Variants in LNP1 observed in about 807,000 individuals in gnomAD.
LNP1 encodes the protein leukemia NUP98 fusion partner 1.
A neutral mutation model predicts 14.5 loss-of-function variants in LNP1; 12 were observed. That is an observed-to-expected ratio of 0.83 (90% confidence interval 0.53 to 1.34). LNP1 has a LOEUF of 1.34. LNP1 is among the 40% of genes most tolerant of loss of function. The pLI, the probability that LNP1 is intolerant of heterozygous loss-of-function variation, is 0.00. For missense variants in LNP1, 198 were observed against 210.9 expected, an observed-to-expected ratio of 0.94 and a Z score of 0.38; for synonymous variants, 75 against 71.4, an observed-to-expected ratio of 1.05 and a Z score of -0.26.
intron 1 of LNP1, among the ~76,000 whole-genome samples, chr3:100,413,330 G>C (rs193188720): frequency 6.6e-5 from 10 of 152,322 alleles, no homozygotes; most frequent in African/African-American, 2.2e-4. Flanking sequence ...CATCAGTTGA[G>C]TGGGTGGTAC....
chr3:100,450,279 A>T (rs986002025), intron 2 of LNP1, among the ~76,000 whole-genome samples: 1 of 149,876 alleles, frequency 6.7e-6, no homozygotes, highest in Admixed American at 6.6e-5. Flanking sequence ...CACAACTTAT[A>T]TGGTCACTGA....
intron 1 of LNP1, among the ~76,000 whole-genome samples, chr3:100,412,442 G>A (rs774393955): frequency 2.0e-5 from 3 of 152,054 alleles, no homozygotes; most frequent in Non-Finnish European, 4.4e-5. Flanking sequence ...TAGCATAGAT[G>A]GAATAGGTAG....
At chr3:100,420,105 T>A (rs1373153971) in intron 1 of LNP1, among the ~76,000 whole-genome samples, 1 of 152,232 alleles carries the variant, frequency 6.6e-6, no homozygotes, top group Non-Finnish European at 1.5e-5. Flanking sequence ...CTGATTTTAG[T>A]TTGTCTTTAC....
intron 2 of LNP1, among the ~76,000 whole-genome samples, chr3:100,444,967 T>G (rs1576235892): frequency 6.6e-6 from 1 of 152,090 alleles, no homozygotes; most frequent in African/African-American, 2.4e-5. Context: ...CCTTTGACAT[T>G]GATGATTAAT....
chr3:100,431,309 C>A (rs551596972), intron 2 of LNP1, among the ~76,000 whole-genome samples: 1 of 152,274 alleles, frequency 6.6e-6, no homozygotes, highest in Non-Finnish European at 1.5e-5. Context: ...TTTTAGGTTA[C>A]AATGGTGTTT....
chr3:100,436,602 G>A (rs1417780051), intron 2 of LNP1, among the ~76,000 whole-genome samples: 4 of 152,026 alleles, frequency 2.6e-5, no homozygotes, highest in African/African-American at 9.7e-5. Flanking sequence ...AAATTCTAGA[G>A]TTTTTCATTT....
intron 3 of LNP1, among the ~76,000 whole-genome samples, chr3:100,455,101 C>G (rs1184956173): frequency 6.6e-6 from 1 of 152,320 alleles, no homozygotes; most frequent in South Asian, 2.1e-4. Context: ...ACTCTGTTTA[C>G]AGTTATCATT....
At chr3:100,413,982 C>A (rs2148899775) in intron 1 of LNP1, among the ~76,000 whole-genome samples, 1 of 151,594 alleles carries the variant, frequency 6.6e-6, no homozygotes, top group South Asian at 2.1e-4. Flanking sequence ...TTAACTTCAA[C>A]AATGAAGAAA....
chr3:100,428,122 T>A (rs1559843049), intron 1 of LNP1, among the ~76,000 whole-genome samples: 1 of 152,208 alleles, frequency 6.6e-6, no homozygotes, highest in Non-Finnish European at 1.5e-5. Context: ...GCTTCAAACT[T>A]GATTTTGCCG....
intron 1 of LNP1, among the ~76,000 whole-genome samples, chr3:100,423,477 G>C (rs77021398): frequency 0.16 from 23,914 of 151,890 alleles, 3,501 homozygotes; most frequent in East Asian, 0.49. Flanking sequence ...GGGCAACGTA[G>C]TGAGACCTCA....
intron 1 of LNP1, among the ~76,000 whole-genome samples, chr3:100,416,699 A>ACC (rs1707087746): frequency 1.6e-5 from 2 of 126,772 alleles, no homozygotes; most frequent in African/African-American, 3.0e-5. Flanking sequence ...TAAATATATA[A>ACC]ATACATTTTT....
chr3:100,408,271 T>G (rs1283562990), intron 1 of LNP1, among the ~76,000 whole-genome samples: 1 of 152,138 alleles, frequency 6.6e-6, no homozygotes, highest in Admixed American at 6.5e-5. Context: ...TCTAGGCAGG[T>G]CATTTGGTGT....
chr3:100,440,448 G>T (rs1559845462), intron 2 of LNP1, among the ~76,000 whole-genome samples: 1 of 152,094 alleles, frequency 6.6e-6, no homozygotes, highest in South Asian at 2.1e-4. Context: ...TTCTAAGAAG[G>T]CTGCACACAT....
Position 100,455,956 on chromosome 3 carries a change from G to A in LNP1, c.*30G>A. On this transcript the variant is annotated 3_prime_UTR_variant, in exon 4 of 4. Coordinates refer to ENST00000383693, the MANE Select transcript of LNP1 (RefSeq NM_001085451.2). The stretch of plus-strand genomic sequence containing the variant: ...CTGCTTCTGCCTCATGACATCAGAT[G>A]CTACTGTTTTGGTTTTTTTCTTTGA... 6.3e-7 allele frequency: 1 copy of A among 1,579,728 alleles called. No individual in the cohort carries two copies. Among genetic ancestry groups the A allele is most frequent in the Non-Finnish European group, 8.6e-7 (1 of 1,166,530 alleles).
intron 1 of LNP1, among the ~76,000 whole-genome samples, chr3:100,408,175 T>C (rs1706989404): frequency 6.6e-6 from 1 of 152,248 alleles, no homozygotes; most frequent in South Asian, 2.1e-4. Context: ...TCAGTGTGTG[T>C]GCATTCAAGA....
intron 2 of LNP1, among the ~76,000 whole-genome samples, chr3:100,438,291 C>G (rs1380581784): frequency 6.6e-6 from 1 of 152,146 alleles, no homozygotes; most frequent in African/African-American, 2.4e-5. Context: ...TTTATTGTCA[C>G]TTAAAGAAAA....
chr3:100,409,740 A>G (rs1235472864), intron 1 of LNP1, among the ~76,000 whole-genome samples: 2 of 150,700 alleles, frequency 1.3e-5, no homozygotes, highest in Non-Finnish European at 3.0e-5. Context: ...GATTGCAGGT[A>G]CCCACCACTG....
intron 2 of LNP1, among the ~76,000 whole-genome samples, chr3:100,432,240 TAGG>T (rs963534181): frequency 8.6e-5 from 13 of 151,756 alleles, no homozygotes; most frequent in African/African-American, 3.1e-4. Context: ...ATTATATGCA[TAGG>T]AGGAGAAGAG....
intron 1 of LNP1, among the ~76,000 whole-genome samples, chr3:100,421,780 G>C (rs1707145502): frequency 6.6e-6 from 1 of 152,016 alleles, no homozygotes; most frequent in Admixed American, 6.6e-5. Flanking sequence ...TTTCCATAAA[G>C]ACCTTATTCC....
Sources: allele counts gnomAD v4.1 joint callset (sites outside exome capture counted in the v4.1 genomes callset), GRCh38; gene constraint gnomAD v4.1.1; transcripts MANE v1.5; gene names NCBI Gene and HGNC (gene_info 2026-07-23, HGNC 2026-07-21).